The following PARD3B variants were observed in gnomAD, a reference collection of about 807,000 sequenced individuals.
PARD3B encodes par-3 family cell polarity regulator beta.
Under a neutral mutation model 130.2 loss-of-function variants are expected in PARD3B, and 103 were observed. That is an observed-to-expected ratio of 0.79 (90% CI 0.67 to 0.93). PARD3B has a LOEUF of 0.93. Ranked by LOEUF, PARD3B falls within the 40% of genes least tolerant of loss-of-function variation. The probability of loss-of-function intolerance (pLI) is 0.00; values close to 1 mark genes in which losing one functional copy is unlikely to be tolerated. For synonymous variants in PARD3B, 583 were observed against 553.2 expected, an observed-to-expected ratio of 1.05 and a Z score of -0.76; for missense variants, 1,609 against 1,499.2, an observed-to-expected ratio of 1.07 and a Z score of -1.21.
intron 10 of PARD3B, among the ~76,000 whole-genome samples, chr2:205,150,523 G>A (rs1378302890): frequency 6.6e-6 from 1 of 152,072 alleles, no homozygotes; most frequent in African/African-American, 2.4e-5. Flanking sequence ...GTTAGATAAA[G>A]GGACATTTAT....
At chr2:205,096,033 T>C (rs1702374467) in intron 4 of PARD3B, among the ~76,000 whole-genome samples, 1 of 152,136 alleles carries the variant, frequency 6.6e-6, no homozygotes, top group Admixed American at 6.6e-5. Flanking sequence ...AAAAGTTGTA[T>C]AGAAATTAGT....
intron 10 of PARD3B, among the ~76,000 whole-genome samples, chr2:205,155,165 T>G (rs1274628884): frequency 2.0e-5 from 3 of 152,164 alleles, no homozygotes; most frequent in Admixed American, 6.5e-5. Context: ...GAAAAACAAC[T>G]TATTGGTTGG....
chr2:205,225,767 G>T (rs2038510899), intron 15 of PARD3B, among the ~76,000 whole-genome samples: 1 of 152,142 alleles, frequency 6.6e-6, no homozygotes. Flanking sequence ...GATCTCATGA[G>T]AGCTCACTAA....
At chr2:205,445,388 GTC>G (rs2047871787) in intron 20 of PARD3B, among the ~76,000 whole-genome samples, 1 of 152,198 alleles carries the variant, frequency 6.6e-6, no homozygotes, top group Non-Finnish European at 1.5e-5. Context: ...TCTGCAGGCT[GTC>G]CAGGAAGCAT....
At chr2:204,941,134 C>T (rs1182788167) in intron 2 of PARD3B, among the ~76,000 whole-genome samples, 1 of 152,094 alleles carries the variant, frequency 6.6e-6, no homozygotes, top group East Asian at 1.9e-4. Flanking sequence ...TTTTTAAAAA[C>T]TTTGTTTCTA....
In PARD3B at chr2:205,280,064, G is replaced by C. The variant is rs531347117; in HGVS notation, c.2186-20466G>C. 7.4e-4 allele frequency among the ~76,000 whole-genome samples: 113 copies of C among 152,186 alleles called. No individual in the cohort carries two copies. The highest frequency in any genetic ancestry group is 2.5e-3 in the African/African-American group (102 of 41,512). On this transcript the variant is annotated intron_variant, in intron 16 of 22. Transcript: ENST00000406610. The surrounding 1 kb of genome is among the most constrained non-coding windows in gnomAD (Gnocchi z 4.7). ...TTTAAACCATAAGCTATTAGAGAAG[G>C]GTAAAAGAGTCTCTTTGTGTTAGGA...
chr2:204,555,038 CCTATGTGATCAGT>C, intron 1 of PARD3B, among the ~76,000 whole-genome samples: 1 of 152,214 alleles, frequency 6.6e-6, no homozygotes, highest in African/African-American at 2.4e-5. Flanking sequence ...GCAGAAGGTG[CCTATGTGATCAGT>C]CTGCAGTAAA....
intron 1 of PARD3B, among the ~76,000 whole-genome samples, chr2:204,640,103 A>C (rs1051515869): frequency 1.3e-5 from 2 of 152,098 alleles, no homozygotes; most frequent in African/African-American, 4.8e-5. Context: ...ATAATTAAAA[A>C]ATTAGCTGGA....
At chr2:204,565,451 A>T (rs1038992523) in intron 1 of PARD3B, among the ~76,000 whole-genome samples, 6 of 152,140 alleles carry the variant, frequency 3.9e-5, no homozygotes, top group Non-Finnish European at 8.8e-5. Flanking sequence ...AATACCATAC[A>T]TTGGTCATTT....
At chr2:205,429,809 A>C (rs2106122900) in intron 19 of PARD3B, among the ~76,000 whole-genome samples, 1 of 152,284 alleles carries the variant, frequency 6.6e-6, no homozygotes, top group African/African-American at 2.4e-5. Flanking sequence ...GGAGACCAGA[A>C]GTCTGAAATC....
intron 21 of PARD3B, among the ~76,000 whole-genome samples, chr2:205,517,667 A>G (rs2050850033): frequency 6.6e-6 from 1 of 151,602 alleles, no homozygotes; most frequent in African/African-American, 2.4e-5. Context: ...TTCAGTTGTG[A>G]TGTTTGTTAG....
chr2:204,656,530 A>G (rs148763328), intron 1 of PARD3B, among the ~76,000 whole-genome samples: 432 of 152,264 alleles, frequency 2.8e-3, no homozygotes, highest in Admixed American at 5.1e-3. Flanking sequence ...AATTCCTTAT[A>G]AATTAAGAAA....
intron 22 of PARD3B, among the ~76,000 whole-genome samples, chr2:205,554,909 G>A (rs754877846): frequency 1.3e-5 from 2 of 152,148 alleles, no homozygotes; most frequent in African/African-American, 2.4e-5. Flanking sequence ...TGTGGATTCT[G>A]GTATCTGAGG....
At position 205,124,443 on chromosome 2, in the gene PARD3B, C is replaced by T. The variant is rs1280534944; in HGVS notation, c.1282C>T (p.Gln428Ter). The T allele has an allele frequency of 6.3e-7, 1 of 1,597,908 alleles. No individual in the cohort carries two copies. Among genetic ancestry groups the T allele is most frequent in the Non-Finnish European group, 8.5e-7 (1 of 1,171,722 alleles). The change falls in exon 9 of 23, where the codon CAA becomes TAA. Residue 428 changes from glutamine (Q) to a stop codon, truncating the protein, a stop_gained. Coordinates refer to ENST00000406610, the MANE Select transcript of PARD3B (RefSeq NM_001302769.2). LOFTEE classifies it high-confidence loss of function. ...KGAAIKDGRL[Q>*]SGDRILEVNG... ...AGCAGCAATAAAAGATGGCCGCCTA[C>T]AATCAGGGGACAGAATTTTGGAGGT...
Position 204,841,872 on chromosome 2 carries a change from G to A in PARD3B, c.223-123280G>A, listed in dbSNP as rs962618998. Among the ~76,000 whole-genome samples the A allele has an allele frequency of 2.8e-4, 42 of 151,178 alleles. 1 individual carries two copies. Among genetic ancestry groups the A allele is most frequent in the African/African-American group, 9.9e-4 (41 of 41,290 alleles). On this transcript the variant is annotated intron_variant, in intron 2 of 22. Coordinates refer to ENST00000406610, the MANE Select transcript of PARD3B (RefSeq NM_001302769.2). ...AGTTTTTTGGTGGGGTTTTTTTTTG[G>A]TGTCAACACAACTTTAAAATAACAA...
Position 204,939,496 on chromosome 2 carries a change from A to G in PARD3B, c.223-25656A>G, listed in dbSNP as rs573012135. Among the ~76,000 whole-genome samples, 51 of 152,354 alleles carry G rather than the reference A, an allele frequency of 3.3e-4. 1 individual carries two copies. The highest frequency in any genetic ancestry group is 8.9e-4 in the African/African-American group (37 of 41,594). ...GCTTTTTATTCATGTCTGTGCTTCA[A>G]TAAATCAAGGAATAACAGAGAAATG... On this transcript the variant is annotated intron_variant, in intron 2 of 22. Transcript: ENST00000406610.
intron 15 of PARD3B, among the ~76,000 whole-genome samples, chr2:205,196,773 G>A (rs1201674766): frequency 2.0e-5 from 3 of 152,044 alleles, no homozygotes; most frequent in Non-Finnish European, 2.9e-5. Context: ...TAGTAAATTT[G>A]CACACATAGA....
chr2:205,298,396 G>T (rs1467038627), intron 16 of PARD3B, among the ~76,000 whole-genome samples: 4 of 151,822 alleles, frequency 2.6e-5, no homozygotes, highest in Non-Finnish European at 5.9e-5. Context: ...TCCTTCCTGG[G>T]AATATAAAAA....
At chr2:204,680,774 T>A (rs1358127908) in intron 1 of PARD3B, among the ~76,000 whole-genome samples, 3 of 152,140 alleles carry the variant, frequency 2.0e-5, no homozygotes, top group African/African-American at 7.2e-5. Context: ...ATTTCCTAAT[T>A]TCCAAACAGC....
Sources: allele counts gnomAD v4.1 joint callset (sites outside exome capture counted in the v4.1 genomes callset), GRCh38; gene constraint gnomAD v4.1.1; non-coding constraint Gnocchi (gnomAD v3.1); transcripts MANE v1.5; gene names NCBI Gene and HGNC (gene_info 2026-07-23, HGNC 2026-07-21).